The following CYP7B1 variants were observed in gnomAD, a reference collection of about 807,000 sequenced individuals.
The protein encoded by CYP7B1 is cytochrome P450 7B1.
Under a neutral mutation model 42.7 loss-of-function variants are expected in CYP7B1, and 29 were observed. That is an observed-to-expected ratio of 0.68 (90% CI 0.51 to 0.93). CYP7B1 has a LOEUF of 0.93. Among genes scored for constraint, CYP7B1 ranks in the 40% least tolerant of loss-of-function variants. CYP7B1 has a pLI of 0.00. For missense variants in CYP7B1, 655 were observed against 600.5 expected (o/e 1.09, Z -0.95); for synonymous variants, 235 against 218.2 (o/e 1.08, Z -0.68).
chr8:64,616,425 C>T (rs1480167161), intron 2 of CYP7B1, 144 bp from the exon 3 acceptor site: 3 of 643,190 alleles, frequency 4.7e-6, no homozygotes, highest in African/African-American at 1.8e-5. Context: ...CCATTTCATT[C>T]GAAGGTACAC....
intron 1 of CYP7B1, among the ~76,000 whole-genome samples, chr8:64,796,910 G>A (rs6987861): frequency 0.65 from 99,009 of 152,032 alleles, 34,625 homozygotes; most frequent in East Asian, 0.81. Flanking sequence ...AATCATTTTC[G>A]TAGAGCATTA....
intron 1 of CYP7B1, among the ~76,000 whole-genome samples, chr8:64,665,559 G>GTTTTTTTTTTTTTTT (rs540578806): frequency 7.7e-5 from 4 of 52,042 alleles, no homozygotes; most frequent in Non-Finnish European, 1.3e-4. Context: ...TTTTTTGGTG[G>GTTTTTTTTTTTTTTT]TTTTTTTTTT....
chr8:64,655,109 G>A (rs1164737984), intron 1 of CYP7B1, among the ~76,000 whole-genome samples: 1 of 152,114 alleles, frequency 6.6e-6, no homozygotes, highest in African/African-American at 2.4e-5. Flanking sequence ...ACATAGGAAT[G>A]GGCAAATGTT....
intron 1 of CYP7B1, among the ~76,000 whole-genome samples, chr8:64,753,307 T>A (rs1487070434): frequency 6.6e-6 from 1 of 152,244 alleles, no homozygotes; most frequent in Non-Finnish European, 1.5e-5. Flanking sequence ...ATTGATAGCA[T>A]CTAAAATGTC....
chr8:64,672,054 T>C (rs1324302862), intron 1 of CYP7B1, among the ~76,000 whole-genome samples: 3 of 152,130 alleles, frequency 2.0e-5, no homozygotes, highest in Admixed American at 2.0e-4. Context: ...TCTCATTACT[T>C]TTTTTGTTCC....
intron 1 of CYP7B1, among the ~76,000 whole-genome samples, chr8:64,648,239 C>CT (rs1378095636): frequency 3.3e-5 from 5 of 152,200 alleles, no homozygotes; most frequent in Admixed American, 1.3e-4. Context: ...TTATTTTGAT[C>CT]TTTTTTTCTA....
intron 1 of CYP7B1, among the ~76,000 whole-genome samples, chr8:64,652,017 A>G (rs1806046793): frequency 6.6e-6 from 1 of 152,228 alleles, no homozygotes; most frequent in Admixed American, 6.5e-5. Context: ...TATCAATGAT[A>G]GCTATTGTTG....
At chr8:64,751,136 AT>A (rs1371033439) in intron 1 of CYP7B1, among the ~76,000 whole-genome samples, 3 of 152,206 alleles carry the variant, frequency 2.0e-5, no homozygotes, top group African/African-American at 7.2e-5. Context: ...ACTGTTTTAA[AT>A]TTTAAAAGTA....
At chr8:64,621,555 C>A (rs1026852479) in intron 2 of CYP7B1, among the ~76,000 whole-genome samples, 2 of 152,112 alleles carry the variant, frequency 1.3e-5, no homozygotes, top group African/African-American at 4.8e-5. Context: ...AAATTTCAAA[C>A]AACATGGTGC....
chr8:64,604,711 C>G lies in CYP7B1; in HGVS notation c.1204G>C (p.Gly402Arg). Residue 402 changes from glycine to arginine, a missense_variant, in exon 5 of 6, where the codon GGT (glycine) becomes CGT (arginine). Gly to Arg is a moderately radical substitution (Grantham distance 125, BLOSUM62 -2). Coordinates refer to ENST00000310193, the MANE Select transcript of CYP7B1 (RefSeq NM_004820.5). ...GGAGCTTCAAAGATTTCAGGGTCAC[C>G]ATGTAGGACTGGAGGAAAGATGGCT... ...LVAIFPPVLHGDPEIFEAPEE... is the reference protein window; with the variant it reads ...LVAIFPPVLHRDPEIFEAPEE... 1 of 1,614,130 alleles carries G rather than the reference C, an allele frequency of 6.2e-7. No homozygotes were observed. The highest frequency in any genetic ancestry group is 1.1e-5 in the South Asian group (1 of 91,074).
intron 1 of CYP7B1, among the ~76,000 whole-genome samples, chr8:64,691,483 G>GT (rs1554532281): frequency 6.4e-5 from 1 of 15,510 alleles, no homozygotes; most frequent in African/African-American, 1.5e-4. Flanking sequence ...GATGGCAACT[G>GT]GGGGGGGGGG....
intron 1 of CYP7B1, among the ~76,000 whole-genome samples, chr8:64,712,733 A>G (rs1379744486): frequency 6.8e-6 from 1 of 146,398 alleles, no homozygotes; most frequent in Non-Finnish European, 1.5e-5. Context: ...TTATATGTAT[A>G]TGTCTCATTA....
At chr8:64,667,199 T>A (rs1806293982) in intron 1 of CYP7B1, among the ~76,000 whole-genome samples, 1 of 152,228 alleles carries the variant, frequency 6.6e-6, no homozygotes, top group African/African-American at 2.4e-5. Context: ...CGAAATTATG[T>A]ACTAAGTTGT....
At chr8:64,774,585 G>C (rs967895465) in intron 1 of CYP7B1, among the ~76,000 whole-genome samples, 1 of 152,196 alleles carries the variant, frequency 6.6e-6, no homozygotes, top group East Asian at 1.9e-4. Context: ...AAGCAACCTT[G>C]AATTAATAGA....
chr8:64,647,650 G>A (rs1805973958), intron 1 of CYP7B1, among the ~76,000 whole-genome samples: 1 of 152,144 alleles, frequency 6.6e-6, no homozygotes, highest in Non-Finnish European at 1.5e-5. Context: ...CAGTCCAGAA[G>A]CAGCAGAAGA....
At chr8:64,728,570 A>G (rs1386170039) in intron 1 of CYP7B1, among the ~76,000 whole-genome samples, 4 of 152,244 alleles carry the variant, frequency 2.6e-5, no homozygotes, top group Non-Finnish European at 2.9e-5. Flanking sequence ...TTAAGTTATT[A>G]TAATTGTTGA....
chr8:64,745,896 C>T (rs1807636901), intron 1 of CYP7B1, among the ~76,000 whole-genome samples: 1 of 152,164 alleles, frequency 6.6e-6, no homozygotes, highest in African/African-American at 2.4e-5. Flanking sequence ...TAAAGCGTCC[C>T]TTTGCAAACA....
At chr8:64,646,829 A>C (rs1161752273) in intron 1 of CYP7B1, among the ~76,000 whole-genome samples, 3 of 152,188 alleles carry the variant, frequency 2.0e-5, no homozygotes, top group African/African-American at 7.2e-5. Context: ...AGACGGCTAA[A>C]ACTTTTTCTC....
At chr8:64,764,360 G>A (rs1273206159) in intron 1 of CYP7B1, among the ~76,000 whole-genome samples, 1 of 151,656 alleles carries the variant, frequency 6.6e-6, no homozygotes, top group Non-Finnish European at 1.5e-5. Flanking sequence ...AATAGATCAG[G>A]ATAAAAGTGA....
Sources: allele counts gnomAD v4.1 joint callset (sites outside exome capture counted in the v4.1 genomes callset), GRCh38; gene constraint gnomAD v4.1.1; transcripts MANE v1.5; gene names NCBI Gene and HGNC (gene_info 2026-07-23, HGNC 2026-07-21).